The following DDB1 variants were observed in gnomAD, a reference collection of about 807,000 sequenced individuals.
DDB1 encodes the protein DNA damage-binding protein 1.
Under a neutral mutation model 133.1 loss-of-function variants are expected in DDB1, and 18 were observed. That is an observed-to-expected ratio of 0.14 (90% CI 0.09 to 0.20). The LOEUF is 0.20. Among genes scored for constraint, DDB1 ranks in the 10% least tolerant of loss-of-function variants. The probability of loss-of-function intolerance (pLI) is 1.00; values close to 1 mark genes in which losing one functional copy is unlikely to be tolerated. For missense variants in DDB1, 828 were observed against 1,459.2 expected, an observed-to-expected ratio of 0.57 and a Z score of 7.05; for synonymous variants, 580 against 550.5, an observed-to-expected ratio of 1.05 and a Z score of -0.75.
intron 25 of DDB1, 42 bp from the exon 26 acceptor site, chr11:61,300,974 C>T (rs1282169095): frequency 1.1e-5 from 17 of 1,611,326 alleles, no homozygotes; most frequent in Admixed American, 3.3e-5. Flanking sequence ...TCAGGAAACA[C>T]CCTCCTCAGT....
intron 26 of DDB1, 135 bp downstream of exon 26, chr11:61,300,674 C>T: frequency 7.2e-7 from 1 of 1,383,604 alleles, no homozygotes. Flanking sequence ...ACTCCACCTT[C>T]CATCTGGTAA....
chr11:61,309,043 T>C lies in DDB1; in HGVS notation c.2601A>G (p.Lys867=), dbSNP rs559479390. 76 of 1,614,158 alleles carry C rather than the reference T, an allele frequency of 4.7e-5. No homozygotes were observed. In the African/African-American group the frequency reaches 8.7e-4, roughly 18 times the overall value. The change falls in exon 21 of 27, where the codon AAA becomes AAG. Residue 867 remains lysine (K), a synonymous_variant. Transcript: ENST00000301764. ...ATTCCACCATAGAGTACACGGCCCC[T>C]TTCACTTCCTTTTCAGCCACAGTCT... is the stretch of plus-strand genomic sequence containing the variant. The part of the protein sequence containing the change: ...KLQTVAEKEV[K]GAVYSMVEFN...
chr11:61,316,679 G>C, intron 10 of DDB1, 112 bp from the exon 11 acceptor site: 2 of 1,156,292 alleles, frequency 1.7e-6, no homozygotes, highest in Non-Finnish European at 2.6e-6. Context: ...CTCAACACTT[G>C]GGAAGGCAGA....
intron 22 of DDB1, 47 bp downstream of exon 22, chr11:61,303,818 C>T (rs751062194): frequency 1.3e-5 from 21 of 1,599,608 alleles, no homozygotes; most frequent in East Asian, 2.2e-5. Flanking sequence ...CTTGCAGGGG[C>T]GGTGGCTCAA....
At chr11:61,328,096 A>C (rs28720266) in intron 4 of DDB1, among the ~76,000 whole-genome samples, 1,617 of 152,348 alleles carry the variant, frequency 0.011, 14 homozygotes, top group Non-Finnish European at 0.017. Flanking sequence ...AGCTTAGAAC[A>C]ACCAGCCTTG....
intron 10 of DDB1, among the ~76,000 whole-genome samples, chr11:61,318,105 T>A (rs1384977656): frequency 1.3e-5 from 2 of 152,248 alleles, no homozygotes. Context: ...TAGTCTATCA[T>A]GCACTATTTG....
rs998360350 is a variant in DDB1 at position 61,316,407 on chromosome 11, G to C, written c.1302-14C>G. On this transcript the variant is annotated splice_polypyrimidine_tract_variant and intron_variant, in intron 11 of 26. Coordinates refer to ENST00000301764, the MANE Select transcript of DDB1 (RefSeq NM_001923.5). Reference sequence around the variant, plus strand: ...AACATGAGAACTCTGCAGCAGAATGGAGGGCCTGGGTCAGCCTGGGACCAG... The same window carrying C: ...AACATGAGAACTCTGCAGCAGAATGCAGGGCCTGGGTCAGCCTGGGACCAG... 5 of 1,613,702 alleles carry C rather than the reference G, an allele frequency of 3.1e-6. No homozygotes were observed. The African/African-American group carries it at 4.0e-5, about 13-fold the overall frequency.
At chr11:61,309,693 A>G (rs1184425979) in intron 20 of DDB1, 103 bp downstream of exon 20, 12 of 1,291,622 alleles carry the variant, frequency 9.3e-6, no homozygotes, top group Admixed American at 2.3e-5. Flanking sequence ...AATGAACCCA[A>G]CTTCTTCTAC....
At chr11:61,321,742 G>A in intron 9 of DDB1, 45 bp from the exon 10 acceptor site, 2 of 1,547,082 alleles carry the variant, frequency 1.3e-6, no homozygotes, top group African/African-American at 1.4e-5. Flanking sequence ...TCAAGATACT[G>A]GGCCAGTCAT....
Position 61,309,800 on chromosome 11 carries a change from C to G in DDB1, c.2562G>C (p.Ser854=). The stretch of plus-strand genomic sequence containing the variant: ...CTGGAGACTGCGCCCACTTACCATC[C>G]GAATACTGAAAGACCACAATGCGAC... ...KQGRIVVFQY[S]DGKLQTVAEK... The change falls in exon 20 of 27, where the codon TCG becomes TCC. Residue 854 remains serine (S), a synonymous_variant. Transcript: ENST00000301764. The G allele has an allele frequency of 6.2e-7, 1 of 1,612,444 alleles. No homozygotes were observed. The highest frequency in any genetic ancestry group is 1.3e-5 in the African/African-American group (1 of 74,982).
At chr11:61,308,664 G>T (rs1308184816) in intron 21 of DDB1, among the ~76,000 whole-genome samples, 1 of 152,186 alleles carries the variant, frequency 6.6e-6, no homozygotes, top group African/African-American at 2.4e-5. Context: ...TAGCTTTCAG[G>T]AATGCACTCA....
intron 21 of DDB1, among the ~76,000 whole-genome samples, chr11:61,305,676 G>T (rs529805320): frequency 6.6e-6 from 1 of 151,964 alleles, no homozygotes; most frequent in Non-Finnish European, 1.5e-5. Flanking sequence ...GCCAACACCT[G>T]CCACCACTCT....
At chr11:61,329,891 A>T (rs1156240121) in intron 3 of DDB1, 67 bp downstream of exon 3, 1 of 1,371,988 alleles carries the variant, frequency 7.3e-7, no homozygotes, top group Admixed American at 1.8e-5. Context: ...CCAGCACTTT[A>T]ATTTTTTCCA....
At chr11:61,300,719 G>A in intron 26 of DDB1, 90 bp downstream of exon 26, 13 of 1,560,538 alleles carry the variant, frequency 8.3e-6, no homozygotes, top group Non-Finnish European at 1.1e-5. Context: ...TCTTGGAACT[G>A]AGGAGGAGAG....
chr11:61,322,836 AC>A, intron 8 of DDB1, 174 bp downstream of exon 8: 2 of 617,904 alleles, frequency 3.2e-6, no homozygotes, highest in South Asian at 2.2e-5. Context: ...TGCTGAATGA[AC>A]CACAAAGGCA....
chr11:61,326,413 C>T (rs56291610), intron 5 of DDB1, among the ~76,000 whole-genome samples: 1 of 152,156 alleles, frequency 6.6e-6, no homozygotes, highest in East Asian at 1.9e-4. Context: ...ACCTCAGCCT[C>T]TTGAGTAGCT....
intron 10 of DDB1, among the ~76,000 whole-genome samples, chr11:61,319,623 G>C (rs530009872): frequency 1.6e-4 from 25 of 152,092 alleles, no homozygotes; most frequent in African/African-American, 5.8e-4. Context: ...GTAGAGATGG[G>C]GTTTCACCAT....
At chr11:61,308,470 A>C (rs191475867) in intron 21 of DDB1, among the ~76,000 whole-genome samples, 1 of 152,154 alleles carries the variant, frequency 6.6e-6, no homozygotes, top group Non-Finnish European at 1.5e-5. Flanking sequence ...ATTTGCTCAT[A>C]AACTCCAAAA....
rs34187104 is a variant in DDB1, at chr11:61,325,148, CA to C, written c.762+462del. On this transcript the variant is annotated intron_variant, in intron 6 of 26. Coordinates refer to ENST00000301764, the MANE Select transcript of DDB1 (RefSeq NM_001923.5). Reference sequence around the variant, plus strand: ...GGGCAACAAGAGCAAAACTCCGTCTCAAAAAAAAAAAAGAAACTGCCAAAAT... The same window carrying C: ...GGGCAACAAGAGCAAAACTCCGTCTCAAAAAAAAAAAGAAACTGCCAAAAT... 9.4e-3 allele frequency among the ~76,000 whole-genome samples: 1,305 copies of C among 138,180 alleles called. 6 individuals carry two copies. Among genetic ancestry groups the C allele is most frequent in the South Asian group, 0.028 (122 of 4,336 alleles). 90.7% of individuals were successfully genotyped at this position (138,180 alleles called of 152,430 possible).
Sources: gnomAD v4.1 joint callset for allele counts (sites outside exome capture counted in the v4.1 genomes callset) on GRCh38, gnomAD v4.1.1 for gene constraint, MANE v1.5 for transcripts, NCBI Gene and HGNC (gene_info 2026-07-23, HGNC 2026-07-21) for gene names.